CEP128: variants seen among roughly 807,000 people sequenced by gnomAD.
CEP128 encodes centrosomal protein 128, also known as centrosomal protein 128kDa.
CEP128 carries 132 observed loss-of-function variants against 156.7 expected under a neutral mutation model. That is an observed-to-expected ratio of 0.84 (90% confidence interval 0.73 to 0.97). The LOEUF (loss-of-function observed/expected upper bound fraction) is 0.97, where lower values mean the gene tolerates loss of function less well. Ranked by LOEUF, CEP128 falls within the 50% of genes least tolerant of loss-of-function variation. The probability of loss-of-function intolerance (pLI) is 0.00; values close to 1 mark genes in which losing one functional copy is unlikely to be tolerated. For synonymous variants in CEP128, 469 were observed against 448.9 expected (o/e 1.04, Z -0.57); for missense variants, 1,252 against 1,281.9 (o/e 0.98, Z 0.36).
At chr14:80,828,015 T>C (rs527567664) in intron 13 of CEP128, among the ~76,000 whole-genome samples, 1 of 152,186 alleles carries the variant, frequency 6.6e-6, no homozygotes, top group East Asian at 1.9e-4. Flanking sequence ...ACATGATGTC[T>C]CCACCAATGT....
intron 13 of CEP128, among the ~76,000 whole-genome samples, chr14:80,801,407 C>T (rs937076792): frequency 2.0e-5 from 3 of 151,780 alleles, no homozygotes; most frequent in Non-Finnish European, 2.9e-5. Context: ...TTTTGACATA[C>T]GTCCCATCAA....
chr14:80,912,458 A>G (rs1036634815), intron 4 of CEP128, among the ~76,000 whole-genome samples: 1 of 152,188 alleles, frequency 6.6e-6, no homozygotes, highest in African/African-American at 2.4e-5. Flanking sequence ...AAGTAGGACT[A>G]TACTCTACTA....
At chr14:80,808,668 T>C (rs1884327935) in intron 13 of CEP128, among the ~76,000 whole-genome samples, 1 of 152,046 alleles carries the variant, frequency 6.6e-6, no homozygotes, top group South Asian at 2.1e-4. Flanking sequence ...CTTACCTACC[T>C]GACACCTTTA....
intron 19 of CEP128, among the ~76,000 whole-genome samples, chr14:80,671,382 G>A (rs1566846643): frequency 6.6e-6 from 1 of 152,160 alleles, no homozygotes; most frequent in Non-Finnish European, 1.5e-5. Flanking sequence ...AGTGGTGTCA[G>A]ACAATTTATG....
At chr14:80,540,394 G>A (rs146017044) in intron 21 of CEP128, among the ~76,000 whole-genome samples, 300 of 152,294 alleles carry the variant, frequency 2.0e-3, no homozygotes, top group African/African-American at 6.8e-3. Context: ...ATGGGAACAG[G>A]TTCCCCCAGT....
chr14:80,909,685 A>C (rs1364000706), intron 4 of CEP128, among the ~76,000 whole-genome samples: 1 of 151,986 alleles, frequency 6.6e-6, no homozygotes, highest in Non-Finnish European at 1.5e-5. Context: ...AAAACATAAA[A>C]CTAAAAATGT....
chr14:80,566,858 A>AG (rs1192493137), intron 20 of CEP128, among the ~76,000 whole-genome samples: 2 of 151,800 alleles, frequency 1.3e-5, no homozygotes, highest in African/African-American at 4.8e-5. Flanking sequence ...ATTGAAGAAA[A>AG]AAAAAACAGC....
rs1235567410 is a variant in CEP128 at position 80,840,734 on chromosome 14, T to C, written c.797A>G (p.His266Arg). Residue 266 changes from histidine to arginine, a missense_variant, in exon 10 of 25, where the codon CAT becomes CGT. By Grantham distance (29) the His-to-Arg change is conservative (BLOSUM62 0). Coordinates refer to ENST00000555265, the MANE Select transcript of CEP128 (RefSeq NM_152446.5). ...TAGCTTATTTTTTATTGCCCCCTCA[T>C]GCTCATCTGCTTTAGCTTCTTGTTT... ...LKKQEAKADE[H>R]EGAIKNKLRQ... 1 of 1,611,464 alleles carries C rather than the reference T, an allele frequency of 6.2e-7. No individual in the cohort carries two copies. The highest frequency in any genetic ancestry group is 1.3e-5 in the African/African-American group (1 of 75,016).
At position 80,785,530 on chromosome 14, in the gene CEP128, C is replaced by T; in HGVS notation, c.1576G>A (p.Asp526Asn). The T allele has an allele frequency of 1.9e-6, 3 of 1,603,686 alleles. No individual in the cohort carries two copies. In the South Asian group the frequency reaches 3.4e-5, roughly 18 times the overall value. Residue 526 changes from aspartate to asparagine, a missense_variant, in exon 15 of 25, where the codon GAT becomes AAT. Physicochemically the swap from Asp to Asn is conservative, Grantham distance 23 (BLOSUM62 1). Coordinates refer to ENST00000555265, the MANE Select transcript of CEP128 (RefSeq NM_152446.5). The stretch of plus-strand genomic sequence containing the variant: ...GCATACAGCTGGGTTTTCAATTCAT[C>T]CTTTTCTTTTAAAATCTATCAGGTT... ...GKNNQILKEK[D>N]ELKTQLYAAL...
At chr14:80,896,326 G>C (rs1269812282) in intron 7 of CEP128, among the ~76,000 whole-genome samples, 1 of 152,072 alleles carries the variant, frequency 6.6e-6, no homozygotes, top group East Asian at 1.9e-4. Context: ...CGTACAGAAA[G>C]ATTTACAATG....
chr14:80,795,901 T>C (rs1211323610), intron 13 of CEP128, among the ~76,000 whole-genome samples: 1 of 152,234 alleles, frequency 6.6e-6, no homozygotes, highest in African/African-American at 2.4e-5. Context: ...GCGATTTTCC[T>C]ACTTGACTAT....
intron 14 of CEP128, among the ~76,000 whole-genome samples, chr14:80,480,561 G>A (rs1215222595): frequency 6.6e-6 from 1 of 152,136 alleles, no homozygotes; most frequent in East Asian, 1.9e-4. Flanking sequence ...GGGCCTGCAG[G>A]CCTGTGATGG....
intron 9 of CEP128, among the ~76,000 whole-genome samples, chr14:80,845,771 A>G (rs1342956745): frequency 6.6e-6 from 1 of 152,192 alleles, no homozygotes; most frequent in Non-Finnish European, 1.5e-5. Context: ...GTCTATCTGT[A>G]GCAAAACGGT....
chr14:80,491,799 T>C, downstream of CEP128, among the ~76,000 whole-genome samples: 2 of 152,232 alleles, frequency 1.3e-5, 1 homozygote, highest in Non-Finnish European at 2.9e-5. Context: ...TCAACAGGAC[T>C]TCTCACAATG....
At chr14:80,867,194 G>A (rs1485151707) in intron 8 of CEP128, among the ~76,000 whole-genome samples, 3 of 152,150 alleles carry the variant, frequency 2.0e-5, no homozygotes, top group East Asian at 3.9e-4. Flanking sequence ...TCAGGTTACT[G>A]AGACAGTGAA....
At chr14:80,523,214 A>G (rs1888821934) in intron 23 of CEP128, among the ~76,000 whole-genome samples, 1 of 152,224 alleles carries the variant, frequency 6.6e-6, no homozygotes, top group Admixed American at 6.5e-5. Flanking sequence ...TCCAACAGTT[A>G]TTTGTCTGTC....
chr14:80,547,184 A>C (rs1377251280), intron 21 of CEP128, among the ~76,000 whole-genome samples: 1 of 152,164 alleles, frequency 6.6e-6, no homozygotes, highest in African/African-American at 2.4e-5. Context: ...AAAAGGAGGA[A>C]AACTAGATCA....
intron 19 of CEP128, among the ~76,000 whole-genome samples, chr14:80,673,511 T>C (rs950206888): frequency 1.4e-5 from 2 of 145,070 alleles, no homozygotes; most frequent in South Asian, 4.5e-4. Context: ...CCGGGCGTAG[T>C]GGCGGGCGCC....
At chr14:80,919,505 AT>A (rs1396253506) in intron 2 of CEP128, among the ~76,000 whole-genome samples, 1 of 151,972 alleles carries the variant, frequency 6.6e-6, no homozygotes, top group African/African-American at 2.4e-5. Context: ...CTCCTGCCCC[AT>A]TTTCCCAGGG....
Sources: allele counts gnomAD v4.1 joint callset (sites outside exome capture counted in the v4.1 genomes callset), GRCh38; gene constraint gnomAD v4.1.1; transcripts MANE v1.5; gene names NCBI Gene and HGNC (gene_info 2026-07-23, HGNC 2026-07-21).